GPR39: variants seen among roughly 807,000 people sequenced by gnomAD.
The protein encoded by GPR39 is G protein-coupled receptor 39, also known as zinc sensing receptor.
A neutral mutation model predicts 18.4 loss-of-function variants in GPR39; 23 were observed. The ratio of observed to expected loss-of-function variants is 1.25; its 90% CI spans 0.90 to 1.77. The LOEUF is 1.77. GPR39 is among the 40% of genes most tolerant of loss of function. The pLI, the probability that GPR39 is intolerant of heterozygous loss-of-function variation, is 0.00. For missense variants in GPR39, 647 were observed against 602.4 expected, an observed-to-expected ratio of 1.07 and a Z score of -0.78; for synonymous variants, 280 against 257.9, an observed-to-expected ratio of 1.09 and a Z score of -0.82.
At chr2:132,513,067 G>A (rs983289040) in intron 1 of GPR39, among the ~76,000 whole-genome samples, 4 of 152,126 alleles carry the variant, frequency 2.6e-5, no homozygotes, top group Non-Finnish European at 5.9e-5. Context: ...TCCTGGGTCG[G>A]TTCTGTTCAA....
At chr2:132,547,707 CA>C (rs1429495178) in intron 1 of GPR39, among the ~76,000 whole-genome samples, 2 of 152,170 alleles carry the variant, frequency 1.3e-5, no homozygotes, top group Non-Finnish European at 2.9e-5. Context: ...ACTGATAGGA[CA>C]CCCACACACC....
In GPR39 at chr2:132,645,732, G is replaced by T; in HGVS notation, c.*126G>T. On this transcript the variant is annotated 3_prime_UTR_variant, in exon 2 of 2. Coordinates refer to ENST00000329321, the MANE Select transcript of GPR39 (RefSeq NM_001508.3). Reference sequence around the variant, plus strand: ...ATGGACACTGGAGGCTTTACAAAAGGCAGATGCCCACCTCAGTGACTTCTA... The same window carrying T: ...ATGGACACTGGAGGCTTTACAAAAGTCAGATGCCCACCTCAGTGACTTCTA... 1 of 1,317,228 alleles carries T rather than the reference G, an allele frequency of 7.6e-7. No individual in the cohort carries two copies. Among genetic ancestry groups the T allele is most frequent in the Non-Finnish European group, 1.0e-6 (1 of 974,324 alleles). The allele number at this position is 1,317,228 out of a possible 1,614,324, so 81.6% of individuals were successfully genotyped here.
intron 1 of GPR39, among the ~76,000 whole-genome samples, chr2:132,590,797 T>G (rs1680813585): frequency 6.7e-6 from 1 of 150,256 alleles, no homozygotes; most frequent in African/African-American, 2.5e-5. Flanking sequence ...TTGACTGGAT[T>G]GAAGGATGCA....
At chr2:132,583,592 A>T (rs1280647015) in intron 1 of GPR39, among the ~76,000 whole-genome samples, 5 of 151,796 alleles carry the variant, frequency 3.3e-5, no homozygotes, top group Non-Finnish European at 7.4e-5. Context: ...GCATCCCAAA[A>T]CTTAGTGGCT....
chr2:132,580,469 C>T (rs1006553879), intron 1 of GPR39, among the ~76,000 whole-genome samples: 8 of 152,172 alleles, frequency 5.3e-5, no homozygotes, highest in African/African-American at 1.9e-4. Flanking sequence ...AGGTCAGAAA[C>T]ATCATCTTTA....
At chr2:132,628,819 A>C (rs1197872299) in intron 1 of GPR39, among the ~76,000 whole-genome samples, 3 of 152,062 alleles carry the variant, frequency 2.0e-5, no homozygotes, top group African/African-American at 7.3e-5. Context: ...AATTGAGGAT[A>C]AGACCTTGGC....
intron 1 of GPR39, among the ~76,000 whole-genome samples, chr2:132,571,906 C>G (rs140214654): frequency 6.6e-6 from 1 of 152,292 alleles, no homozygotes; most frequent in Non-Finnish European, 1.5e-5. Flanking sequence ...AGCCTGCAAA[C>G]TCTTAGGGAG....
intron 1 of GPR39, among the ~76,000 whole-genome samples, chr2:132,471,643 C>G (rs1260366466): frequency 6.6e-6 from 1 of 150,592 alleles, no homozygotes; most frequent in Non-Finnish European, 1.5e-5. Flanking sequence ...GGGCCCAGCC[C>G]AGCAAGGAGT....
chr2:132,482,152 T>A (rs1248146526), intron 1 of GPR39, among the ~76,000 whole-genome samples: 1 of 152,220 alleles, frequency 6.6e-6, no homozygotes, highest in Non-Finnish European at 1.5e-5. Flanking sequence ...TGCCTCTCTT[T>A]GTAGACAAGC....
At chr2:132,590,223 T>C (rs1172499103) in intron 1 of GPR39, among the ~76,000 whole-genome samples, 1 of 152,206 alleles carries the variant, frequency 6.6e-6, no homozygotes, top group Non-Finnish European at 1.5e-5. Context: ...ATTTCACTGC[T>C]AGCATTTTCT....
chr2:132,495,502 G>T (rs1681623543), intron 1 of GPR39, among the ~76,000 whole-genome samples: 1 of 152,078 alleles, frequency 6.6e-6, no homozygotes, highest in African/African-American at 2.4e-5. Flanking sequence ...TTACTGGCCG[G>T]GCTTTTCAGA....
chr2:132,552,979 C>G (rs1240007050), intron 1 of GPR39, among the ~76,000 whole-genome samples: 4 of 150,812 alleles, frequency 2.7e-5, no homozygotes. Flanking sequence ...CTCTGTTGCC[C>G]AGGCTGGAGT....
At chr2:132,446,806 G>A (rs4410340) in intron 1 of GPR39, among the ~76,000 whole-genome samples, 147,886 of 152,112 alleles carry the variant, frequency 0.97, 72,026 homozygotes, top group Non-Finnish European at 1. Flanking sequence ...TGAGGGTAGG[G>A]TGGAGATAGG....
chr2:132,565,948 T>C (rs1680343262), intron 1 of GPR39, among the ~76,000 whole-genome samples: 1 of 138,098 alleles, frequency 7.2e-6, no homozygotes, highest in Non-Finnish European at 1.6e-5. Context: ...ATGGTATTTC[T>C]AGTTCTAGAT....
At position 132,542,382 on chromosome 2, in the gene GPR39, A is replaced by G. The variant is rs564005349; in HGVS notation, c.857-102719A>G. 1.5e-4 allele frequency among the ~76,000 whole-genome samples: 23 copies of G among 152,330 alleles called. 1 individual carries two copies. Among genetic ancestry groups the G allele is most frequent in the African/African-American group, 5.3e-4 (22 of 41,576 alleles). ...TCTGATCCCCACTCTACCAGTAACT[A>G]TTCTGTGACCTTGCACAAACTCTTT... On this transcript the variant is annotated intron_variant, in intron 1 of 1. Coordinates refer to ENST00000329321, the MANE Select transcript of GPR39 (RefSeq NM_001508.3).
At chr2:132,526,069 A>T (rs1679502349) in intron 1 of GPR39, among the ~76,000 whole-genome samples, 1 of 152,162 alleles carries the variant, frequency 6.6e-6, no homozygotes, top group Non-Finnish European at 1.5e-5. Context: ...ATTTACTATA[A>T]CTTACTTGGT....
Position 132,514,924 on chromosome 2 carries a change from T to G in GPR39, c.856+97026T>G, listed in dbSNP as rs1043679997. ...CTATTACCAATAACCTCTCCCATGG[T>G]CACCCTACCAGCCAGAGTATCTGCC... On this transcript the variant is annotated intron_variant, in intron 1 of 1. Transcript: ENST00000329321. Among the ~76,000 whole-genome samples the G allele has an allele frequency of 8.5e-5, 13 of 152,260 alleles. No homozygotes were observed. The Middle Eastern group carries it at 0.01, about 120-fold the overall frequency.
chr2:132,421,639 G>A (rs1373916366), intron 1 of GPR39, among the ~76,000 whole-genome samples: 1 of 152,166 alleles, frequency 6.6e-6, no homozygotes, highest in Non-Finnish European at 1.5e-5. Context: ...TATTCATCAC[G>A]TGTATTTGGA....
chr2:132,485,849 A>T (rs1681326991), intron 1 of GPR39, among the ~76,000 whole-genome samples: 1 of 151,942 alleles, frequency 6.6e-6, no homozygotes. Context: ...TGATATTTTG[A>T]CCTCCTCCCA....
Sources: gnomAD v4.1 joint callset for allele counts (sites outside exome capture counted in the v4.1 genomes callset) on GRCh38, gnomAD v4.1.1 for gene constraint, MANE v1.5 for transcripts, NCBI Gene and HGNC (gene_info 2026-07-23, HGNC 2026-07-21) for gene names.